LRBA: variants seen among roughly 807,000 people sequenced by gnomAD.
LRBA encodes the protein LPS responsive beige-like anchor protein.
In LRBA, 176 loss-of-function variants were observed where a neutral mutation model predicts 330.0. The observed-to-expected ratio is 0.53, with a 90% CI of 0.47 to 0.60. The LOEUF (loss-of-function observed/expected upper bound fraction) is 0.60. LRBA is among the 20% of genes least tolerant of loss of function. LRBA has a pLI of 0.00. For missense variants in LRBA, 3,259 were observed against 3,444.8 expected, an observed-to-expected ratio of 0.95 and a Z score of 1.35; for synonymous variants, 1,230 against 1,193.0, an observed-to-expected ratio of 1.03 and a Z score of -0.64.
At chr4:150,540,070 A>G (rs1259739344) in intron 40 of LRBA, among the ~76,000 whole-genome samples, 1 of 152,196 alleles carries the variant, frequency 6.6e-6, no homozygotes, top group Non-Finnish European at 1.5e-5. Flanking sequence ...TTTCCGTTAT[A>G]TGTCTTGCTA....
chr4:150,549,417 C>T (rs979535474), intron 40 of LRBA, among the ~76,000 whole-genome samples: 4 of 151,804 alleles, frequency 2.6e-5, no homozygotes, highest in Non-Finnish European at 5.9e-5. Context: ...CTGCAAGCTC[C>T]GCCTCCCGGG....
In LRBA at chr4:150,697,325, G is replaced by GAAAGAAAAA. The variant is rs373474421; in HGVS notation, c.5755-13609_5755-13608insTTTTTCTTT. Among the ~76,000 whole-genome samples the GAAAGAAAAA allele has an allele frequency of 7.8e-4, 22 of 28,054 alleles. 3 individuals are homozygous for GAAAGAAAAA. Among genetic ancestry groups the GAAAGAAAAA allele is most frequent in the African/African-American group, 2.9e-3 (22 of 7,602 alleles). 18.4% of individuals were successfully genotyped at this position (28,054 alleles called of 152,430 possible). On this transcript the variant is annotated intron_variant, in intron 36 of 56. Coordinates refer to ENST00000651943, the MANE Select transcript of LRBA (RefSeq NM_001364905.1). ...GGTGACAGAGTGAGACTTTGTCTCAGAAAAAAAAAAAAAAAAAAAAAAAAA... is the reference window on the plus strand; with the variant it reads ...GGTGACAGAGTGAGACTTTGTCTCAGAAAGAAAAAAAAAAAAAAAAAAAAAAAAAAAAAA...
intron 37 of LRBA, among the ~76,000 whole-genome samples, chr4:150,615,968 G>A (rs748343124): frequency 6.6e-6 from 1 of 152,078 alleles, no homozygotes; most frequent in Non-Finnish European, 1.5e-5. Context: ...AAGGATAATG[G>A]AGCTATAAGA....
At chr4:150,898,329 G>A (rs1270189610) in intron 14 of LRBA, among the ~76,000 whole-genome samples, 1 of 152,020 alleles carries the variant, frequency 6.6e-6, no homozygotes, top group Admixed American at 6.6e-5. Flanking sequence ...ATGAAGAAGG[G>A]AAATATTATG....
intron 20 of LRBA, among the ~76,000 whole-genome samples, chr4:150,868,972 T>C (rs1210001545): frequency 6.6e-6 from 1 of 152,080 alleles, no homozygotes; most frequent in Non-Finnish European, 1.5e-5. Flanking sequence ...AAAAATACTA[T>C]AATCAAAATC....
At chr4:150,432,453 C>CTTTTTTTTTTTTT (rs35393002) in intron 46 of LRBA, among the ~76,000 whole-genome samples, 3 of 98,438 alleles carry the variant, frequency 3.0e-5, no homozygotes, top group Non-Finnish European at 5.5e-5. Context: ...TAAGTGTGTT[C>CTTTTTTTTTTTTT]TTTTTTTTTT....
intron 36 of LRBA, among the ~76,000 whole-genome samples, chr4:150,691,216 C>T (rs997020181): frequency 3.3e-5 from 5 of 152,004 alleles, no homozygotes; most frequent in African/African-American, 1.2e-4. Flanking sequence ...AGGCTTGAGC[C>T]ACCATGCCTG....
At chr4:150,703,761 A>C (rs994320223) in intron 36 of LRBA, among the ~76,000 whole-genome samples, 8 of 152,180 alleles carry the variant, frequency 5.3e-5, no homozygotes, top group Non-Finnish European at 1.0e-4. Context: ...GAAAATCTCA[A>C]GACAGAATCC....
At chr4:150,509,645 C>A (rs1417522722) in intron 40 of LRBA, among the ~76,000 whole-genome samples, 3 of 143,426 alleles carry the variant, frequency 2.1e-5, no homozygotes, top group South Asian at 2.2e-4. Flanking sequence ...AAAAAAAGAT[C>A]AATAAAATTG....
At chr4:150,675,750 A>C (rs922656087) in intron 37 of LRBA, among the ~76,000 whole-genome samples, 7 of 151,912 alleles carry the variant, frequency 4.6e-5, no homozygotes, top group African/African-American at 1.7e-4. Flanking sequence ...ATAATTAATT[A>C]AATAAAAATA....
At chr4:150,291,863 C>T (rs9992293) in intron 53 of LRBA, among the ~76,000 whole-genome samples, 13,710 of 151,984 alleles carry the variant, frequency 0.09, 912 homozygotes, top group South Asian at 0.23. Context: ...GAAAATGTGG[C>T]AAATATACAC....
intron 40 of LRBA, among the ~76,000 whole-genome samples, chr4:150,563,103 A>T (rs1561357546): frequency 6.6e-6 from 1 of 151,956 alleles, no homozygotes; most frequent in East Asian, 1.9e-4. Context: ...GGTTGAAATA[A>T]TTTTTTTTAA....
chr4:150,560,566 T>C (rs1194748956), intron 40 of LRBA, among the ~76,000 whole-genome samples: 7 of 152,308 alleles, frequency 4.6e-5, no homozygotes, highest in Non-Finnish European at 1.5e-5. Context: ...TCATAGGGTA[T>C]ATACAAATAC....
In LRBA at chr4:150,609,103, C is replaced by T. The variant is rs779497618; in HGVS notation, c.5922-9972G>A. On this transcript the variant is annotated intron_variant, in intron 37 of 56. Transcript: ENST00000651943. ...TTAGCTATCTAGCATTCACTTCTCT[C>T]CTCTTTCCTAATAACTGAATTACAA... Among the ~76,000 whole-genome samples, 5 of 152,174 alleles carry T rather than the reference C, an allele frequency of 3.3e-5. No homozygotes were observed. The East Asian group carries it at 9.6e-4, about 29-fold the overall frequency.
intron 2 of LRBA, among the ~76,000 whole-genome samples, chr4:150,988,539 C>T (rs1301081393): frequency 2.0e-5 from 3 of 151,914 alleles, no homozygotes; most frequent in Non-Finnish European, 4.4e-5. Context: ...GTTTTCTTTT[C>T]GCTTTTGTGT....
Position 150,806,422 on chromosome 4 carries a change from A to G in LRBA, c.5385-18T>C. On this transcript the variant is annotated intron_variant, in intron 32 of 56. Transcript: ENST00000651943. ...CTGTAATACTAAGGAAAAGACATTA[A>G]GTTACTTGAACTATTCAACAGATTG... The G allele has an allele frequency of 1.3e-6, 2 of 1,566,124 alleles. No individual in the cohort carries two copies. Among genetic ancestry groups the G allele is most frequent in the South Asian group, 1.2e-5 (1 of 81,230 alleles).
At chr4:150,725,624 G>C (rs1172227118) in intron 36 of LRBA, among the ~76,000 whole-genome samples, 1 of 152,152 alleles carries the variant, frequency 6.6e-6, no homozygotes, top group Non-Finnish European at 1.5e-5. Context: ...ATGTTCATGA[G>C]CAAGAAGAAA....
At chr4:150,570,972 T>C (rs1769767295) in intron 40 of LRBA, among the ~76,000 whole-genome samples, 1 of 152,152 alleles carries the variant, frequency 6.6e-6, no homozygotes, top group South Asian at 2.1e-4. Context: ...CTGATGCCTA[T>C]TACTGAGGCC....
chr4:150,514,581 G>A (rs1167002164), intron 40 of LRBA, among the ~76,000 whole-genome samples: 2 of 152,168 alleles, frequency 1.3e-5, no homozygotes. Context: ...CTCTAATAGA[G>A]CTGGTGTGTT....
Sources: allele counts gnomAD v4.1 joint callset (sites outside exome capture counted in the v4.1 genomes callset), GRCh38; gene constraint gnomAD v4.1.1; transcripts MANE v1.5; gene names NCBI Gene and HGNC (gene_info 2026-07-23, HGNC 2026-07-21).